The following CSMD1 variants were observed in gnomAD, a reference collection of about 807,000 sequenced individuals.
The protein encoded by CSMD1 is CUB and sushi domain-containing protein 1.
CSMD1 carries 213 observed loss-of-function variants against 417.5 expected under a neutral mutation model. The observed-to-expected ratio is 0.51, with a 90% confidence interval of 0.46 to 0.57. The LOEUF is 0.57. Among genes scored for constraint, CSMD1 ranks in the 20% least tolerant of loss-of-function variants. CSMD1 has a pLI of 0.00. For synonymous variants in CSMD1, 2,862 were observed against 1,736.8 expected, an observed-to-expected ratio of 1.65 and a Z score of -16.11; for missense variants, 6,923 against 4,529.7, an observed-to-expected ratio of 1.53 and a Z score of -15.17.
At chr8:3,732,349 C>G (rs763341125) in intron 6 of CSMD1, among the ~76,000 whole-genome samples, 5 of 152,004 alleles carry the variant, frequency 3.3e-5, no homozygotes, top group East Asian at 1.9e-4. Context: ...CACAGCCTCA[C>G]CATAGTAAAC....
At chr8:3,540,040 G>A (rs984597950) in intron 10 of CSMD1, among the ~76,000 whole-genome samples, 4 of 152,148 alleles carry the variant, frequency 2.6e-5, no homozygotes, top group Admixed American at 6.5e-5. Context: ...GTCTGCTGCT[G>A]TGTGCACCAC....
chr8:4,270,163 AG>A (rs1344047085), intron 3 of CSMD1, among the ~76,000 whole-genome samples: 1 of 152,212 alleles, frequency 6.6e-6, no homozygotes, highest in Non-Finnish European at 1.5e-5. Flanking sequence ...AGAGACTTGA[AG>A]GAGGCAAGCG....
chr8:3,314,711 A>T (rs552115360), intron 23 of CSMD1, among the ~76,000 whole-genome samples: 53 of 152,330 alleles, frequency 3.5e-4, no homozygotes, highest in African/African-American at 1.3e-3. Context: ...ATGTTGCATG[A>T]ATTACGCAGT....
chr8:2,944,677 T>C (rs1235227050), intron 68 of CSMD1, among the ~76,000 whole-genome samples: 2 of 152,100 alleles, frequency 1.3e-5, no homozygotes, highest in Non-Finnish European at 2.9e-5. Flanking sequence ...ATGTGCTCAA[T>C]ATATATTTGC....
Position 4,049,360 on chromosome 8 carries a change from T to C in CSMD1, c.416-17261A>G, listed in dbSNP as rs536595636. Reference sequence around the variant, plus strand: ...GCCATAGCACTCCAAGCTCCTAGAGTTCTAACAATCAAAAATCTCTGCAGA... The same window carrying C: ...GCCATAGCACTCCAAGCTCCTAGAGCTCTAACAATCAAAAATCTCTGCAGA... On this transcript the variant is annotated intron_variant, in intron 3 of 69. Transcript: ENST00000635120. Among the ~76,000 whole-genome samples, 15 of 151,538 alleles carry C rather than the reference T, an allele frequency of 9.9e-5. No individual in the cohort carries two copies. In the South Asian group the frequency reaches 1.3e-3, roughly 13 times the overall value.
intron 1 of CSMD1, among the ~76,000 whole-genome samples, chr8:4,834,913 C>T (rs1366886868): frequency 3.4e-5 from 4 of 119,322 alleles, no homozygotes; most frequent in South Asian, 3.0e-4. Context: ...TCTGAGATGG[C>T]GCCACTGCAC....
chr8:4,295,988 A>C (rs2128870360), intron 3 of CSMD1, among the ~76,000 whole-genome samples: 1 of 152,022 alleles, frequency 6.6e-6, no homozygotes, highest in East Asian at 1.9e-4. Flanking sequence ...AAACAAAAAC[A>C]AAAACCTAAA....
intron 63 of CSMD1, among the ~76,000 whole-genome samples, chr8:2,957,395 C>T (rs1370072939): frequency 4.6e-5 from 7 of 152,116 alleles, no homozygotes; most frequent in African/African-American, 1.7e-4. Context: ...TCAGACTTTA[C>T]AGTGCCTGAG....
At chr8:4,093,845 C>G (rs1005915561) in intron 3 of CSMD1, among the ~76,000 whole-genome samples, 1 of 151,976 alleles carries the variant, frequency 6.6e-6, no homozygotes, top group Admixed American at 6.6e-5. Flanking sequence ...CCTGTAATCC[C>G]AGCAATCGGG....
At chr8:3,654,426 C>A (rs1241183791) in intron 7 of CSMD1, among the ~76,000 whole-genome samples, 2 of 152,090 alleles carry the variant, frequency 1.3e-5, no homozygotes, top group African/African-American at 2.4e-5. Context: ...AGTCCACATG[C>A]CTGTGCACAT....
chr8:3,758,375 G>A (rs1344206229), intron 5 of CSMD1, among the ~76,000 whole-genome samples: 1 of 152,132 alleles, frequency 6.6e-6, no homozygotes, highest in Non-Finnish European at 1.5e-5. Flanking sequence ...GTCGATTTTT[G>A]TACATGAATT....
intron 1 of CSMD1, among the ~76,000 whole-genome samples, chr8:4,885,374 A>AC (rs543151535): frequency 1.6e-4 from 25 of 152,154 alleles, no homozygotes; most frequent in African/African-American, 6.0e-4. Context: ...ACAATGTTGA[A>AC]CAGAAGTACC....
intron 3 of CSMD1, among the ~76,000 whole-genome samples, chr8:4,112,212 C>A (rs6558850): frequency 5.3e-5 from 8 of 152,194 alleles, no homozygotes; most frequent in African/African-American, 1.2e-4. Flanking sequence ...CCAGTAACAC[C>A]TCTTTCAGGG....
chr8:3,442,703 T>C (rs80093550), intron 12 of CSMD1, among the ~76,000 whole-genome samples: 4,077 of 152,314 alleles, frequency 0.027, 88 homozygotes, highest in East Asian at 0.091. Flanking sequence ...CTGTTGTTGT[T>C]AAGCAATGCA....
At chr8:4,157,378 C>T (rs117209119) in intron 3 of CSMD1, among the ~76,000 whole-genome samples, 143 of 152,296 alleles carry the variant, frequency 9.4e-4, no homozygotes, top group Non-Finnish European at 1.4e-3. Flanking sequence ...TGTTTATTCA[C>T]GCCAGCTCAA....
chr8:4,741,289 T>G (rs1283042343), intron 1 of CSMD1, among the ~76,000 whole-genome samples: 2 of 152,186 alleles, frequency 1.3e-5, no homozygotes, highest in East Asian at 3.9e-4. Flanking sequence ...TATATCACAA[T>G]GAAGATCCTT....
chr8:3,474,721 T>C (rs1344147751), intron 11 of CSMD1, among the ~76,000 whole-genome samples: 1 of 152,120 alleles, frequency 6.6e-6, no homozygotes, highest in Non-Finnish European at 1.5e-5. Context: ...GACCTATTAA[T>C]GATGTTAAGT....
chr8:4,014,361 G>A (rs184480426), intron 4 of CSMD1, among the ~76,000 whole-genome samples: 5 of 152,154 alleles, frequency 3.3e-5, no homozygotes, highest in Non-Finnish European at 5.9e-5. Flanking sequence ...GTAAAATATT[G>A]AGAATCAAAT....
intron 5 of CSMD1, among the ~76,000 whole-genome samples, chr8:3,932,894 CA>C (rs958752065): frequency 2.7e-5 from 4 of 149,192 alleles, no homozygotes. Context: ...TTTTCTATTC[CA>C]ATAGCAACAC....
Sources: gnomAD v4.1 joint callset for allele counts (sites outside exome capture counted in the v4.1 genomes callset) on GRCh38, gnomAD v4.1.1 for gene constraint, MANE v1.5 for transcripts, NCBI Gene and HGNC (gene_info 2026-07-23, HGNC 2026-07-21) for gene names.